Variants in CCN6 observed in about 807,000 individuals in gnomAD.
CCN6 encodes the protein CCN family member 6.
In CCN6, 31 loss-of-function variants were observed where a neutral mutation model predicts 37.4. That is an observed-to-expected ratio of 0.83 (90% confidence interval 0.62 to 1.12). The LOEUF (loss-of-function observed/expected upper bound fraction) is 1.12, where lower values mean the gene tolerates loss of function less well. CCN6 is among the 50% of genes most tolerant of loss of function. The pLI, the probability that CCN6 is intolerant of heterozygous loss-of-function variation, is 0.00. For synonymous variants in CCN6, 137 were observed against 142.1 expected, an observed-to-expected ratio of 0.96 and a Z score of 0.26; for missense variants, 369 against 413.8, an observed-to-expected ratio of 0.89 and a Z score of 0.94.
In CCN6 at chr6:112,064,933, TC is replaced by T; in HGVS notation, c.526del (p.Gln176SerfsTer56). On this transcript the variant is annotated frameshift_variant, in exon 3 of 5. Transcript: ENST00000368666. LOFTEE classifies it high-confidence loss of function. ...GAGCTAAAGGTGGAAAGAAGTCTGA[TC>T]AGTCAAACTGTAGCCTGGAACCATT... ...SGAKGGKKSD[Q>X]SNCSLEPLLQ... 6.2e-7 allele frequency: 1 copy of T among 1,614,060 alleles called. No individual in the cohort carries two copies. The highest frequency in any genetic ancestry group is 8.5e-7 in the Non-Finnish European group (1 of 1,179,936).
rs979974859 is a variant in CCN6 at position 112,061,446 on chromosome 6, C to G, written c.346+158C>G. 35 of 884,984 alleles carry G rather than the reference C, an allele frequency of 4.0e-5. 1 individual carries two copies. In the Admixed American group the frequency reaches 7.2e-4, roughly 18 times the overall value. 54.8% of individuals were successfully genotyped at this position (884,984 alleles called of 1,614,324 possible). A position where few individuals can be genotyped will look rare whatever the true frequency, so the allele number is the denominator to read the frequency against. ...GGGACTGGCTCCATTGTATTGGATA[C>G]TATGTGAAATTAGCAGATGCTTACA... On this transcript the variant is annotated intron_variant, in intron 2 of 4. Coordinates refer to ENST00000368666, the MANE Select transcript of CCN6 (RefSeq NM_198239.2).
chr6:112,062,691 T>C (rs960144352), intron 2 of CCN6, among the ~76,000 whole-genome samples: 18 of 152,358 alleles, frequency 1.2e-4, no homozygotes, highest in African/African-American at 4.1e-4. Flanking sequence ...GGCACATTAA[T>C]GTAGAGTCTT....
chr6:112,065,167 G>T (rs986640540), intron 3 of CCN6, among the ~76,000 whole-genome samples, 170 bp downstream of exon 3: 12 of 152,240 alleles, frequency 7.9e-5, no homozygotes, highest in African/African-American at 2.4e-4. Context: ...ATAAATATCT[G>T]CAAAGGAAAT....
chr6:112,056,276 A>T (rs1776346433), intron 1 of CCN6, among the ~76,000 whole-genome samples: 1 of 152,056 alleles, frequency 6.6e-6, no homozygotes. Flanking sequence ...GCTAGCAACA[A>T]TTTCTCTTAG....
At chr6:112,060,354 G>A (rs1356622244) in intron 1 of CCN6, among the ~76,000 whole-genome samples, 1 of 152,124 alleles carries the variant, frequency 6.6e-6, no homozygotes, top group Non-Finnish European at 1.5e-5. Context: ...AACAGAGAAG[G>A]TATCAATAAA....
rs782426753 is a variant in CCN6 at position 112,064,990 on chromosome 6, A to G, written c.582A>G (p.Thr194=). The G allele has an allele frequency of 5.0e-6, 8 of 1,613,930 alleles. No individual in the cohort carries two copies. The highest frequency in any genetic ancestry group is 2.5e-6 in the Non-Finnish European group (3 of 1,179,896). The change falls in exon 3 of 5, where the codon ACA becomes ACG. Residue 194 remains threonine, a synonymous_variant. Coordinates refer to ENST00000368666, the MANE Select transcript of CCN6 (RefSeq NM_198239.2). ...LLQQLSTSYK[T]MPAYRNLPLI... ...AGCAGCTTTCAACAAGCTACAAAAC[A>G]ATGCCAGGTGCTCAGAAGTAGAGCT...
upstream of CCN6, among the ~76,000 whole-genome samples, chr6:112,053,556 T>C (rs1776262776): frequency 6.6e-6 from 1 of 152,050 alleles, no homozygotes; most frequent in Non-Finnish European, 1.5e-5. Flanking sequence ...GAATGATTGC[T>C]ACCAGTGTAA....
chr6:112,063,411 A>G (rs1481493194), intron 2 of CCN6, among the ~76,000 whole-genome samples: 1 of 152,202 alleles, frequency 6.6e-6, no homozygotes, highest in Non-Finnish European at 1.5e-5. Flanking sequence ...CCCATTTGGA[A>G]TAGATCTTTT....
intron 4 of CCN6, 122 bp from the exon 5 acceptor site, chr6:112,069,217 C>T: frequency 8.7e-7 from 1 of 1,146,386 alleles, no homozygotes; most frequent in South Asian, 1.5e-5. Context: ...CTGGAAATCA[C>T]TACATAGCAA....
intron 2 of CCN6, chr6:112,061,502 C>T (rs1776521934): frequency 2.4e-5 from 15 of 612,338 alleles, no homozygotes; most frequent in Non-Finnish European, 4.3e-5. Flanking sequence ...TTTCATTGCA[C>T]TGAGGTGATT....
chr6:112,065,127 C>T (rs1324227818), intron 3 of CCN6, 130 bp downstream of exon 3: 1 of 1,411,976 alleles, frequency 7.1e-7, no homozygotes, highest in Non-Finnish European at 9.9e-7. Context: ...TTGAGTGTAT[C>T]ATTTTACTTA....
chr6:112,062,096 T>C (rs139164088), intron 2 of CCN6, among the ~76,000 whole-genome samples: 4 of 152,232 alleles, frequency 2.6e-5, no homozygotes, highest in East Asian at 1.9e-4. Context: ...CAGCACTGTA[T>C]TGTATGGTTA....
At chr6:112,053,983 C>G, upstream of CCN6, 2 of 418,984 alleles carry the variant, frequency 4.8e-6, no homozygotes, top group Non-Finnish European at 9.0e-6. Context: ...AAGGGAATGA[C>G]GTGGGACCCC....
intron 1 of CCN6, among the ~76,000 whole-genome samples, chr6:112,058,128 C>CA (rs746220737): frequency 9.2e-5 from 14 of 152,244 alleles, no homozygotes; most frequent in African/African-American, 3.4e-4. Context: ...CTCCCTTCTC[C>CA]ATTTTGATGT....
rs1292830689 is a variant in CCN6, at chr6:112,061,304, T to A, written c.346+16T>A. On this transcript the variant is annotated intron_variant, in intron 2 of 4. Transcript: ENST00000368666. ...GTGTGTGCATGTAAGTGTCTTCTTC[T>A]GGACCTGCTGGAAAAGATTGAGTCT... The A allele has an allele frequency of 1.2e-6, 2 of 1,613,938 alleles. No individual in the cohort carries two copies. The highest frequency in any genetic ancestry group is 1.7e-6 in the Non-Finnish European group (2 of 1,179,974).
At position 112,066,595 on chromosome 6, in the gene CCN6, G is replaced by A. The variant is rs587752540; in HGVS notation, c.589+1598G>A. 1.6e-4 allele frequency among the ~76,000 whole-genome samples: 24 copies of A among 152,216 alleles called. 1 individual carries two copies. Among genetic ancestry groups the A allele is most frequent in the East Asian group, 7.7e-4 (4 of 5,184 alleles). On this transcript the variant is annotated intron_variant, in intron 3 of 4. Transcript: ENST00000368666. ...TAGGTGTGTTTCAAATGAAGTATAC[G>A]TTCAGTCTAATGTCTCTTCTTTGCT... is the stretch of plus-strand genomic sequence containing the variant.
At chr6:112,067,062 A>C in intron 3 of CCN6, 1 of 1,360,622 alleles carries the variant, frequency 7.3e-7, no homozygotes, top group Non-Finnish European at 9.8e-7. Context: ...TCCTCTCCTC[A>C]GTTCTATGTG....
intron 3 of CCN6, among the ~76,000 whole-genome samples, chr6:112,065,334 CTTA>C (rs1258392420): frequency 6.6e-6 from 1 of 152,094 alleles, no homozygotes; most frequent in Admixed American, 6.6e-5. Flanking sequence ...CCTAGAACAA[CTTA>C]TTTTTATTGT....
At chr6:112,066,879 A>T in intron 3 of CCN6, 1 of 1,054,680 alleles carries the variant, frequency 9.5e-7, no homozygotes, top group Non-Finnish European at 1.3e-6. Context: ...TTGCTTTTTA[A>T]TGAATGGTAA....
Sources: allele counts gnomAD v4.1 joint callset (sites outside exome capture counted in the v4.1 genomes callset), GRCh38; gene constraint gnomAD v4.1.1; transcripts MANE v1.5; gene names NCBI Gene and HGNC (gene_info 2026-07-23, HGNC 2026-07-21).